The following MYO7B variants were observed in gnomAD, a reference collection of about 807,000 sequenced individuals.
MYO7B encodes unconventional myosin-VIIb.
Under a neutral mutation model 259.7 loss-of-function variants are expected in MYO7B, and 212 were observed. The ratio of observed to expected loss-of-function variants is 0.82; its 90% CI spans 0.73 to 0.91. The LOEUF is 0.91. Ranked by LOEUF, MYO7B falls within the 40% of genes least tolerant of loss-of-function variation. MYO7B has a pLI of 0.00. For missense variants in MYO7B, 2,732 were observed against 2,813.5 expected, an observed-to-expected ratio of 0.97 and a Z score of 0.66; for synonymous variants, 1,197 against 1,166.4, an observed-to-expected ratio of 1.03 and a Z score of -0.54.
intron 1 of MYO7B, among the ~76,000 whole-genome samples, chr2:127,558,095 A>G (rs566674699): frequency 6.6e-6 from 1 of 152,374 alleles, no homozygotes; most frequent in South Asian, 2.1e-4. Context: ...CAAACTATGC[A>G]TCTGACAAAG....
intron 1 of MYO7B, among the ~76,000 whole-genome samples, chr2:127,555,001 C>G (rs1309759161): frequency 6.7e-6 from 1 of 149,730 alleles, no homozygotes; most frequent in Non-Finnish European, 1.5e-5. Flanking sequence ...CAGGCTGGAG[C>G]ACAGTGGCAT....
rs12052654 is a variant in MYO7B, at chr2:127,612,342, C to T, written c.3270+15C>T. On this transcript the variant is annotated intron_variant, in intron 25 of 47. Coordinates refer to ENST00000409816, the MANE Select transcript of MYO7B (RefSeq NM_001393586.1). Reference sequence around the variant, plus strand: ...TCACAGGCCAGGTGAGCCCAGAGCACAGAATCTCTGCTCCCAGCTGCTGCT... The same window carrying T: ...TCACAGGCCAGGTGAGCCCAGAGCATAGAATCTCTGCTCCCAGCTGCTGCT... 244,288 of 1,290,430 alleles carry T rather than the reference C, an allele frequency of 0.19. 24,790 individuals are homozygous for T. Among genetic ancestry groups the T allele is most frequent in the South Asian group, 0.29 (22,692 of 78,492 alleles). The allele number at this position is 1,290,430 out of a possible 1,614,324, so 79.9% of individuals were successfully genotyped here. A position where few individuals can be genotyped will look rare whatever the true frequency, so the allele number is the denominator to read the frequency against.
rs1272497861 is a variant in MYO7B at position 127,607,066 on chromosome 2, T to A, written c.2425-140T>A. On this transcript the variant is annotated intron_variant, in intron 20 of 47. Transcript: ENST00000409816. The surrounding 1 kb of genome is among the most constrained non-coding windows in gnomAD (Gnocchi z 4.4). ...CTCACTATTCTTGTGTTCATAGGTG[T>A]GTACCATTCTAGCACCGGCCCTTTG... 5 of 714,712 alleles carry A rather than the reference T, an allele frequency of 7.0e-6. No individual in the cohort carries two copies. Among genetic ancestry groups the A allele is most frequent in the Admixed American group, 5.7e-5 (2 of 34,828 alleles). The allele number at this position is 714,712 out of a possible 1,614,324, so 44.3% of individuals were successfully genotyped here. A position where few individuals can be genotyped will look rare whatever the true frequency, so the allele number is the denominator to read the frequency against.
rs529922571 is a variant in MYO7B, at chr2:127,535,731, C to G, written c.-124C>G. 1 of 152,422 alleles carries G rather than the reference C, an allele frequency of 6.6e-6. No individual in the cohort carries two copies. The highest frequency in any genetic ancestry group is 1.9e-4 in the East Asian group (1 of 5,182). 9.4% of individuals were successfully genotyped at this position (152,422 alleles called of 1,614,324 possible). ...CCTCTTCTTCCTCTGTCCCTTACTC[C>G]CTGACACACCCGGAGTCCCAACATT... is the stretch of plus-strand genomic sequence containing the variant. On this transcript the variant is annotated 5_prime_UTR_variant, in exon 1 of 48. Coordinates refer to ENST00000409816, the MANE Select transcript of MYO7B (RefSeq NM_001393586.1). The surrounding 1 kb of genome is among the most constrained non-coding windows in gnomAD (Gnocchi z 4.8).
intron 27 of MYO7B, among the ~76,000 whole-genome samples, chr2:127,621,088 T>C (rs1001938979): frequency 1.3e-5 from 2 of 152,126 alleles, no homozygotes; most frequent in African/African-American, 2.4e-5. Flanking sequence ...GGAACCACGG[T>C]CACTGAAGCC....
chr2:127,635,701 C>A (rs772584446), intron 43 of MYO7B, 21 bp from the exon 44 acceptor site: 1 of 1,586,652 alleles, frequency 6.3e-7, no homozygotes, highest in Admixed American at 1.8e-5. Flanking sequence ...ACCCAGCATG[C>A]CCAGTGTGTC....
intron 19 of MYO7B, among the ~76,000 whole-genome samples, chr2:127,599,598 T>G (rs1048431288): frequency 6.6e-6 from 1 of 152,226 alleles, no homozygotes; most frequent in Non-Finnish European, 1.5e-5. Context: ...TTGTCCTTTA[T>G]CTTAGGGGGA....
chr2:127,579,507 ATCAGAAACATGATGCT>A (rs1424336789), intron 9 of MYO7B, among the ~76,000 whole-genome samples: 11 of 152,230 alleles, frequency 7.2e-5, no homozygotes, highest in Non-Finnish European at 1.5e-4. Context: ...CTGGGACAGC[ATCAGAAACATGATGCT>A]GAGGAAGTGA....
intron 6 of MYO7B, among the ~76,000 whole-genome samples, chr2:127,573,686 A>G (rs1206492364): frequency 6.6e-6 from 1 of 152,188 alleles, no homozygotes; most frequent in African/African-American, 2.4e-5. Context: ...ACACTCTGAC[A>G]AGATTTCTGC....
intron 26 of MYO7B, among the ~76,000 whole-genome samples, chr2:127,616,053 G>A (rs549460454): frequency 3.4e-4 from 52 of 152,316 alleles, no homozygotes; most frequent in African/African-American, 9.9e-4. Context: ...GGCTGCAGCC[G>A]GGAGGCATGC....
intron 20 of MYO7B, among the ~76,000 whole-genome samples, chr2:127,606,971 T>C (rs1157304931): frequency 6.6e-6 from 1 of 152,260 alleles, no homozygotes; most frequent in Non-Finnish European, 1.5e-5. Context: ...TTATTTATGC[T>C]ATTTCACAAA....
At chr2:127,594,440 A>G (rs1679686719) in intron 18 of MYO7B, among the ~76,000 whole-genome samples, 1 of 152,124 alleles carries the variant, frequency 6.6e-6, no homozygotes, top group African/African-American at 2.4e-5. Flanking sequence ...CCTCAGAGGG[A>G]CGTCCTGGCC....
chr2:127,625,347 T>C (rs750839254), intron 30 of MYO7B, 21 bp from the exon 31 acceptor site: 1 of 1,506,846 alleles, frequency 6.6e-7, no homozygotes, highest in Non-Finnish European at 8.9e-7. Context: ...CTCGCCCCCG[T>C]GGGTGCCCTG....
rs1387556628 is a variant in MYO7B at position 127,636,666 on chromosome 2, G to C, written c.6207+38G>C. On this transcript the variant is annotated intron_variant, in intron 46 of 47. Coordinates refer to ENST00000409816, the MANE Select transcript of MYO7B (RefSeq NM_001393586.1). This position sits in a 1 kb window ranked among gnomAD's most constrained non-coding sequence, Gnocchi z 4.5. ...CCTCCGGAGGGGCTGGGGGCCACCA[G>C]GTCCAGGGACCTGTGCAGGTGGGGC... The C allele has an allele frequency of 6.2e-7, 1 of 1,607,696 alleles. No homozygotes were observed. The highest frequency in any genetic ancestry group is 1.3e-5 in the African/African-American group (1 of 74,696).
At chr2:127,571,906 G>A (rs1178745918) in intron 6 of MYO7B, among the ~76,000 whole-genome samples, 1 of 152,022 alleles carries the variant, frequency 6.6e-6, no homozygotes, top group Non-Finnish European at 1.5e-5. Flanking sequence ...TCTTTTGCAG[G>A]GCAGAAGTTT....
rs1342023765 is a variant in MYO7B at position 127,584,879 on chromosome 2, C to T, written c.1656C>T (p.Ala552=). The part of the protein sequence containing the change: ...KNIHDARFGI[A]HFAGEVYYQA... ...TCCACGATGCCAGATTTGGCATTGC[C>T]CATTTTGCCGGCGAGGTGTACTACC... Residue 552 remains alanine, a synonymous_variant, in exon 14 of 48, where the codon GCC becomes GCT. Coordinates refer to ENST00000409816, the MANE Select transcript of MYO7B (RefSeq NM_001393586.1). The surrounding 1 kb of genome is among the most constrained non-coding windows in gnomAD (Gnocchi z 5.8). The T allele has an allele frequency of 1.2e-6, 2 of 1,613,798 alleles. No individual in the cohort carries two copies. The highest frequency in any genetic ancestry group is 1.7e-6 in the Non-Finnish European group (2 of 1,179,878).
Position 127,636,615 on chromosome 2 carries a change from A to T in MYO7B, c.6194A>T (p.His2065Leu). Reference protein sequence around the residue: ...AINRHGVLLIHPKTKDLLTTY... With the variant: ...AINRHGVLLILPKTKDLLTTY... The stretch of plus-strand genomic sequence containing the variant: ...AACCGACATGGGGTTCTGCTCATCC[A>T]CCCCAAGACCAAGGTAGCTGCTGGG... Residue 2065 changes from histidine (H) to leucine (L), a missense_variant, in exon 46 of 48, where the codon CAC (histidine) becomes CTC (leucine). Physicochemically the swap from His to Leu is moderately conservative, Grantham distance 99. This residue lies in a region of MYO7B where 821 missense variants were observed against 769.3 expected (regional missense o/e 1.07). Coordinates refer to ENST00000409816, the MANE Select transcript of MYO7B (RefSeq NM_001393586.1). The surrounding 1 kb of genome is among the most constrained non-coding windows in gnomAD (Gnocchi z 4.5). 1.2e-6 allele frequency: 2 copies of T among 1,611,554 alleles called. No individual in the cohort carries two copies. Among genetic ancestry groups the T allele is most frequent in the Non-Finnish European group, 1.7e-6 (2 of 1,178,976 alleles).
rs1678368169 is a variant in MYO7B, at chr2:127,566,773, A to G, written c.416A>G (p.Asn139Ser). The change falls in exon 5 of 48, where the codon AAC becomes AGC. Residue 139 changes from asparagine (N) to serine (S), a missense_variant. Asn to Ser is a conservative substitution (Grantham distance 46). This residue lies in a region of MYO7B where 1,906 missense variants were observed against 2,026.4 expected (regional missense o/e 0.94). Transcript: ENST00000409816. ...CCCCCGCATGTCTTTGCCATCGCCA[A>G]CAACTGCTACTTCAGCATGAAGAGG... ...ELPPHVFAIANNCYFSMKRNK... is the reference protein window; with the variant it reads ...ELPPHVFAIASNCYFSMKRNK... 1.9e-6 allele frequency: 3 copies of G among 1,612,618 alleles called. No homozygotes were observed. The highest frequency in any genetic ancestry group is 1.3e-5 in the African/African-American group (1 of 75,072).
At chr2:127,567,449 C>G (rs1168881449) in intron 5 of MYO7B, among the ~76,000 whole-genome samples, 20 of 152,182 alleles carry the variant, frequency 1.3e-4, no homozygotes, top group Admixed American at 1.3e-4. Context: ...TTCAGAGACT[C>G]CCTGCCTGGC....
Sources: gnomAD v4.1 joint callset for allele counts (sites outside exome capture counted in the v4.1 genomes callset) on GRCh38, gnomAD v4.1.1 for gene constraint, gnomAD v4.1.1 regional missense constraint, Gnocchi (gnomAD v3.1) non-coding constraint, MANE v1.5 for transcripts, NCBI Gene and HGNC (gene_info 2026-07-23, HGNC 2026-07-21) for gene names.